Variants in PBRM1 observed in about 807,000 individuals in gnomAD.
The protein encoded by PBRM1 is polybromo 1, also known as protein polybromo-1.
Under a neutral mutation model 194.5 loss-of-function variants are expected in PBRM1, and 27 were observed. The observed-to-expected ratio is 0.14, with a 90% CI of 0.10 to 0.19. PBRM1 has a LOEUF of 0.19. Among genes scored for constraint, PBRM1 ranks in the 10% least tolerant of loss-of-function variants. The pLI, the probability that PBRM1 is intolerant of heterozygous loss-of-function variation, is 1.00. For synonymous variants in PBRM1, 655 were observed against 693.2 expected (o/e 0.94, Z 0.87); for missense variants, 1,466 against 2,077.2 (o/e 0.71, Z 5.72).
chr3:52,679,649 A>G (rs2097170522), exon 1 of PBRM1: 1 of 1,614,038 alleles, frequency 6.2e-7, no homozygotes, highest in South Asian at 1.1e-5. Flanking sequence ...AATGGTGCCC[A>G]TCATCAAAGT....
At chr3:52,561,211 G>A (rs1428193640) in intron 25 of PBRM1, among the ~76,000 whole-genome samples, 1 of 152,084 alleles carries the variant, frequency 6.6e-6, no homozygotes, top group Non-Finnish European at 1.5e-5. Context: ...GATTTAATTA[G>A]AATAAAAGGA....
At chr3:52,592,015 TG>T (rs2093123270) in intron 17 of PBRM1, among the ~76,000 whole-genome samples, 1 of 150,364 alleles carries the variant, frequency 6.7e-6, no homozygotes, top group African/African-American at 2.5e-5. Flanking sequence ...TTAGTAGAGA[TG>T]GGGTTTCACC....
Position 52,615,896 on chromosome 3 carries a change from T to C in PBRM1, c.1819-440A>G, listed in dbSNP as rs183965754. On this transcript the variant is annotated intron_variant, in intron 14 of 29. Coordinates refer to ENST00000296302, the Ensembl canonical transcript of PBRM1. ...TTAAATTCCAAATCTGAGTTCACAG[T>C]CTGAAGCTTAATCTATAAAAAAACA... 3.2e-3 allele frequency among the ~76,000 whole-genome samples: 495 copies of C among 152,324 alleles called. 1 individual carries two copies. Among genetic ancestry groups the C allele is most frequent in the South Asian group, 0.017 (81 of 4,826 alleles).
chr3:52,604,920 C>T (rs2094244073), intron 16 of PBRM1, among the ~76,000 whole-genome samples: 1 of 150,690 alleles, frequency 6.6e-6, no homozygotes, highest in South Asian at 2.1e-4. Flanking sequence ...CGCCGCTGCA[C>T]TCTAGTCTGG....
In PBRM1 at chr3:52,609,083, T is replaced by C; in HGVS notation, c.2567+230A>G. On this transcript the variant is annotated intron_variant, in intron 16 of 29. Transcript: ENST00000296302. The surrounding 1 kb of genome is among the most constrained non-coding windows in gnomAD (Gnocchi z 4.1). ...TATGCTTTTCAAGAGATTTTCAATT[T>C]TGTCTTCCTCCTCACTGGCCTTAAA... 2.4e-6 allele frequency: 1 copy of C among 422,984 alleles called. No individual in the cohort carries two copies. Among genetic ancestry groups the C allele is most frequent in the Non-Finnish European group, 4.2e-6 (1 of 238,460 alleles). The allele number at this position is 422,984 out of a possible 1,614,324, so 26.2% of individuals were successfully genotyped here.
chr3:52,630,650 G>A (rs1241019179), intron 11 of PBRM1, among the ~76,000 whole-genome samples: 3 of 152,128 alleles, frequency 2.0e-5, no homozygotes, highest in East Asian at 1.9e-4. Context: ...CACAATCCGC[G>A]GAAGGCAGCA....
chr3:52,558,493 G>C, intron 25 of PBRM1, 80 bp from the exon 28 acceptor site: 1 of 1,223,464 alleles, frequency 8.2e-7, no homozygotes, highest in South Asian at 1.6e-5. Flanking sequence ...AACAGGACTA[G>C]TAAAAACACA....
At chr3:52,627,516 T>C in intron 12 of PBRM1, 146 bp from the exon 14 acceptor site, 2 of 586,212 alleles carry the variant, frequency 3.4e-6, no homozygotes, top group Non-Finnish European at 6.0e-6. Context: ...CATTAAACAT[T>C]TTCAATAACC....
chr3:52,636,931 A>G (rs1319063079), intron 10 of PBRM1, among the ~76,000 whole-genome samples: 8 of 151,976 alleles, frequency 5.3e-5, no homozygotes, highest in Admixed American at 2.0e-4. Flanking sequence ...CCTAAAACCA[A>G]CACACAAGAT....
intron 18 of PBRM1, among the ~76,000 whole-genome samples, chr3:52,588,737 T>C (rs1210684977): frequency 6.6e-6 from 1 of 152,018 alleles, no homozygotes; most frequent in Non-Finnish European, 1.5e-5. Flanking sequence ...TGTATCTTTT[T>C]AGTAGAGACA....
chr3:52,664,459 G>C (rs2153956984), intron 3 of PBRM1, among the ~76,000 whole-genome samples: 1 of 151,278 alleles, frequency 6.6e-6, no homozygotes, highest in Middle Eastern at 3.5e-3. Context: ...ACAGACGCTG[G>C]GCGCGGTGGC....
chr3:52,637,781 A>AAAAAAAAAAAAAAAAAAAAAAC (rs2095879752), intron 10 of PBRM1, among the ~76,000 whole-genome samples: 1 of 143,508 alleles, frequency 7.0e-6, no homozygotes, highest in Non-Finnish European at 1.5e-5. Context: ...TACAAAAAAA[A>AAAAAAAAAAAAAAAAAAAAAAC]AAAAAAAAAA....
At chr3:52,619,242 C>T (rs1325931185) in intron 13 of PBRM1, among the ~76,000 whole-genome samples, 1 of 152,174 alleles carries the variant, frequency 6.6e-6, no homozygotes, top group Non-Finnish European at 1.5e-5. Context: ...ATAGTATAGT[C>T]ATCCCTTGGT....
intron 13 of PBRM1, among the ~76,000 whole-genome samples, chr3:52,619,927 T>C (rs908987433): frequency 6.6e-6 from 1 of 152,224 alleles, no homozygotes; most frequent in African/African-American, 2.4e-5. Context: ...TCCTCATAAC[T>C]TGTGTCTTCA....
intron 17 of PBRM1, among the ~76,000 whole-genome samples, chr3:52,595,434 T>C (rs2093454974): frequency 6.6e-6 from 1 of 152,234 alleles, no homozygotes; most frequent in Non-Finnish European, 1.5e-5. Flanking sequence ...TGATCAGTGA[T>C]GTTGAGCACC....
At chr3:52,548,552 G>A (rs982452135) in intron 29 of PBRM1, among the ~76,000 whole-genome samples, 1 of 151,850 alleles carries the variant, frequency 6.6e-6, no homozygotes, top group African/African-American at 2.4e-5. Context: ...TCAGGCTCCA[G>A]AGTAGCTGGG....
At chr3:52,652,885 C>T (rs930492862) in intron 5 of PBRM1, among the ~76,000 whole-genome samples, 15 of 151,894 alleles carry the variant, frequency 9.9e-5, no homozygotes, top group Non-Finnish European at 2.1e-4. Flanking sequence ...GTAATCCCAG[C>T]TACTCAGGAG....
chr3:52,638,114 TAC>T (rs2095898096), intron 10 of PBRM1, among the ~76,000 whole-genome samples: 1 of 152,182 alleles, frequency 6.6e-6, no homozygotes, highest in South Asian at 2.1e-4. Flanking sequence ...TGGTAAAGAT[TAC>T]TTTTATCTTT....
At chr3:52,642,608 CAAAAAAA>C (rs201394004) in intron 9 of PBRM1, among the ~76,000 whole-genome samples, 1 of 97,518 alleles carries the variant, frequency 1.0e-5, no homozygotes, top group African/African-American at 3.2e-5. Context: ...AACTTCGTCT[CAAAAAAA>C]AAAAAAAAAA....
Sources: allele counts gnomAD v4.1 joint callset (sites outside exome capture counted in the v4.1 genomes callset), GRCh38; gene constraint gnomAD v4.1.1; non-coding constraint Gnocchi (gnomAD v3.1); transcripts MANE v1.5; gene names NCBI Gene and HGNC (gene_info 2026-07-23, HGNC 2026-07-21).